The following MAP2K6 variants were observed in gnomAD, a reference collection of about 807,000 sequenced individuals.
The protein encoded by MAP2K6 is mitogen-activated protein kinase kinase 6.
MAP2K6 carries 16 observed loss-of-function variants against 53.7 expected under a neutral mutation model. The ratio of observed to expected loss-of-function variants is 0.30; its 90% CI spans 0.20 to 0.45. The LOEUF (loss-of-function observed/expected upper bound fraction) is 0.45. MAP2K6 is among the 20% of genes least tolerant of loss of function. The pLI, the probability that MAP2K6 is intolerant of heterozygous loss-of-function variation, is 1.00. For missense variants in MAP2K6, 204 were observed against 411.9 expected (o/e 0.50, Z 4.37); for synonymous variants, 132 against 143.1 (o/e 0.92, Z 0.55).
chr17:69,415,638 C>T (rs1905875084), intron 1 of MAP2K6, among the ~76,000 whole-genome samples: 1 of 152,160 alleles, frequency 6.6e-6, no homozygotes, highest in African/African-American at 2.4e-5. Context: ...TGCTTATTGG[C>T]TCGCAAAATT....
At chr17:69,538,932 T>TAA (rs369645040) in intron 11 of MAP2K6, among the ~76,000 whole-genome samples, 3 of 149,444 alleles carry the variant, frequency 2.0e-5, no homozygotes, top group East Asian at 1.9e-4. Context: ...TCCGATGTGT[T>TAA]AAAAAAAAAA....
chr17:69,443,135 T>G (rs1906872086), intron 1 of MAP2K6, among the ~76,000 whole-genome samples: 1 of 152,180 alleles, frequency 6.6e-6, no homozygotes, highest in Admixed American at 6.5e-5. Context: ...TTTATTTACC[T>G]TGAATTTATT....
At chr17:69,512,442 C>T (rs187332384) in intron 2 of MAP2K6, among the ~76,000 whole-genome samples, 71 of 145,406 alleles carry the variant, frequency 4.9e-4, no homozygotes, top group Admixed American at 1.8e-3. Context: ...TGGGTCCAAG[C>T]GATTCTCCTG....
At chr17:69,529,669 C>G (rs1348607866) in intron 10 of MAP2K6, among the ~76,000 whole-genome samples, 5 of 151,658 alleles carry the variant, frequency 3.3e-5, no homozygotes, top group African/African-American at 9.7e-5. Flanking sequence ...CGCCACCACG[C>G]CCGGCTAATT....
At chr17:69,422,423 C>A (rs114161678) in intron 1 of MAP2K6, among the ~76,000 whole-genome samples, 6 of 152,270 alleles carry the variant, frequency 3.9e-5, no homozygotes, top group African/African-American at 1.4e-4. Flanking sequence ...TGAGCCACCA[C>A]GCCTGGCCAA....
intron 11 of MAP2K6, among the ~76,000 whole-genome samples, chr17:69,540,923 A>C (rs1443308271): frequency 2.6e-5 from 4 of 152,202 alleles, no homozygotes; most frequent in Admixed American, 2.6e-4. Context: ...TTTACTGTTC[A>C]ACAAAATTGG....
rs75932347 is a variant in MAP2K6 at position 69,507,930 on chromosome 17, T to G, written c.83+2084T>G. On this transcript the variant is annotated intron_variant, in intron 2 of 11. Transcript: ENST00000590474. ...TGGCCAGAGTAATTGTACCATTTTA[T>G]GTTCTCAGCAATAATGTCCGAATAA... Among the ~76,000 whole-genome samples the G allele has an allele frequency of 4.9e-3, 742 of 152,286 alleles. 10 individuals carry two copies. The highest frequency in any genetic ancestry group is 0.017 in the African/African-American group (716 of 41,552).
chr17:69,459,345 A>G (rs1907533107), intron 1 of MAP2K6, among the ~76,000 whole-genome samples: 1 of 152,190 alleles, frequency 6.6e-6, no homozygotes, highest in African/African-American at 2.4e-5. Flanking sequence ...ATAAGTCATT[A>G]TCTTTCCTTT....
chr17:69,439,059 T>C (rs1003294769), intron 1 of MAP2K6, among the ~76,000 whole-genome samples: 2 of 152,234 alleles, frequency 1.3e-5, no homozygotes, highest in African/African-American at 4.8e-5. Context: ...AGAAACTCTT[T>C]GGTTCAAAAG....
intron 7 of MAP2K6, among the ~76,000 whole-genome samples, chr17:69,522,111 C>T (rs994911881): frequency 6.6e-6 from 1 of 152,160 alleles, no homozygotes; most frequent in Non-Finnish European, 1.5e-5. Flanking sequence ...AACCAGAACC[C>T]TGTCTTTGGG....
At chr17:69,445,808 T>C (rs12946388) in intron 1 of MAP2K6, among the ~76,000 whole-genome samples, 56,872 of 152,076 alleles carry the variant, frequency 0.37, 11,194 homozygotes, top group Admixed American at 0.44. Context: ...ACACTACCTT[T>C]ATTTCTCATT....
intron 1 of MAP2K6, among the ~76,000 whole-genome samples, chr17:69,440,240 G>A (rs1366329448): frequency 6.6e-6 from 1 of 152,084 alleles, no homozygotes; most frequent in Non-Finnish European, 1.5e-5. Flanking sequence ...TAGAGACAGG[G>A]TTTCACTGTG....
chr17:69,455,812 G>A (rs2715809), intron 1 of MAP2K6, among the ~76,000 whole-genome samples: 103,624 of 148,200 alleles, frequency 0.7, 36,458 homozygotes, highest in Non-Finnish European at 0.72. Context: ...GACCAACCCT[G>A]CAGATATGCC....
In MAP2K6 at chr17:69,495,165, A is replaced by G. The variant is rs1430038956; in HGVS notation, c.17-10615A>G. 1.3e-5 allele frequency among the ~76,000 whole-genome samples: 2 copies of G among 151,062 alleles called. 1 individual carries two copies. The highest frequency in any genetic ancestry group is 2.9e-5 in the Non-Finnish European group (2 of 67,818). On this transcript the variant is annotated intron_variant, in intron 1 of 11. Transcript: ENST00000590474. ...CTATGCCACTCTTTTAACTATTAAA[A>G]CAGAATTTTCTGTGATTCTGTTACT...
chr17:69,551,650 T>A lies in MAP2K6; in HGVS notation c.*9897T>A, dbSNP rs1471342422. On this transcript the variant is annotated 3_prime_UTR_variant, in exon 12 of 12. Transcript: ENST00000590474. ...AATTGTGTTTATCTCCTGTATTACCTCTGTGTTTGATTTATTCTTTAGTCT... is the reference window on the plus strand; with the variant it reads ...AATTGTGTTTATCTCCTGTATTACCACTGTGTTTGATTTATTCTTTAGTCT... The A allele has an allele frequency of 6.6e-6, 1 of 152,234 alleles. No homozygotes were observed. Among genetic ancestry groups the A allele is most frequent in the East Asian group, 1.9e-4 (1 of 5,198 alleles). The allele number at this position is 152,234 out of a possible 1,614,324, so 9.4% of individuals were successfully genotyped here.
chr17:69,436,574 C>A (rs890882260), intron 1 of MAP2K6, among the ~76,000 whole-genome samples: 1 of 152,056 alleles, frequency 6.6e-6, no homozygotes, highest in African/African-American at 2.4e-5. Flanking sequence ...GTATCCAGGG[C>A]GAGCCTTATG....
chr17:69,441,818 TC>T (rs1341052123), intron 1 of MAP2K6, among the ~76,000 whole-genome samples: 3 of 152,100 alleles, frequency 2.0e-5, no homozygotes, highest in African/African-American at 7.2e-5. Flanking sequence ...GGTGTAGACA[TC>T]TAGATTCTCC....
intron 1 of MAP2K6, among the ~76,000 whole-genome samples, chr17:69,462,670 C>T (rs949430418): frequency 1.3e-5 from 2 of 152,162 alleles, no homozygotes; most frequent in African/African-American, 4.8e-5. Flanking sequence ...CACTATTCTC[C>T]TTTTTCACAC....
At chr17:69,512,325 A>AGC (rs1269675387) in intron 2 of MAP2K6, among the ~76,000 whole-genome samples, 1 of 78,900 alleles carries the variant, frequency 1.3e-5, no homozygotes, top group African/African-American at 5.3e-5. Flanking sequence ...TGTCTTTCTA[A>AGC]GTGTTTTTTT....
Sources: allele counts gnomAD v4.1 joint callset (sites outside exome capture counted in the v4.1 genomes callset), GRCh38; gene constraint gnomAD v4.1.1; transcripts MANE v1.5; gene names NCBI Gene and HGNC (gene_info 2026-07-23, HGNC 2026-07-21).